ANKS1B: variants seen among roughly 807,000 people sequenced by gnomAD.
ANKS1B encodes the protein ankyrin repeat and sterile alpha motif domain containing 1B.
Under a neutral mutation model 148.3 loss-of-function variants are expected in ANKS1B, and 36 were observed. That is an observed-to-expected ratio of 0.24 (90% confidence interval 0.19 to 0.32). ANKS1B has a LOEUF of 0.32. ANKS1B is among the 10% of genes least tolerant of loss of function. The pLI is 1.00. For missense variants in ANKS1B, 1,157 were observed against 1,542.6 expected (o/e 0.75, Z 4.19); for synonymous variants, 542 against 560.8 (o/e 0.97, Z 0.47).
At chr12:99,976,644 T>C (rs2095633069) in intron 1 of ANKS1B, among the ~76,000 whole-genome samples, 1 of 152,156 alleles carries the variant, frequency 6.6e-6, no homozygotes, top group Non-Finnish European at 1.5e-5. Flanking sequence ...ATAAAGCTAC[T>C]CTCATAACAC....
chr12:99,165,133 A>C (rs1279191703), intron 14 of ANKS1B, among the ~76,000 whole-genome samples: 1 of 152,030 alleles, frequency 6.6e-6, no homozygotes, highest in Non-Finnish European at 1.5e-5. Flanking sequence ...GACAGGCAGA[A>C]ATACTCACCA....
At chr12:99,500,459 A>T (rs1422562486) in intron 10 of ANKS1B, among the ~76,000 whole-genome samples, 1 of 152,176 alleles carries the variant, frequency 6.6e-6, no homozygotes, top group African/African-American at 2.4e-5. Flanking sequence ...TGGCCATCTT[A>T]AAAGTGTTCC....
At chr12:98,740,294 A>C (rs2097791634), downstream of ANKS1B, among the ~76,000 whole-genome samples, 1 of 152,136 alleles carries the variant, frequency 6.6e-6, no homozygotes, top group South Asian at 2.1e-4. Flanking sequence ...GTGGAGGTTG[A>C]GAGCCAGCGC....
At chr12:98,909,995 T>C (rs186950808) in intron 17 of ANKS1B, among the ~76,000 whole-genome samples, 33 of 152,342 alleles carry the variant, frequency 2.2e-4, no homozygotes, top group South Asian at 4.1e-4. Flanking sequence ...GACCAGGTGC[T>C]GATCCATCAG....
intron 8 of ANKS1B, among the ~76,000 whole-genome samples, chr12:99,670,079 C>T (rs2098529422): frequency 6.8e-6 from 1 of 147,672 alleles, no homozygotes; most frequent in Non-Finnish European, 1.5e-5. Flanking sequence ...TTGACAAAAC[C>T]TTTAAAGGTT....
chr12:99,801,225 C>A (rs1389716956), intron 4 of ANKS1B, among the ~76,000 whole-genome samples: 2 of 152,158 alleles, frequency 1.3e-5, no homozygotes, highest in Non-Finnish European at 2.9e-5. Flanking sequence ...AATCAATGCC[C>A]CCCTGCCTAG....
At chr12:99,021,153 C>G (rs575505950) in intron 17 of ANKS1B, among the ~76,000 whole-genome samples, 1 of 152,200 alleles carries the variant, frequency 6.6e-6, no homozygotes, top group Admixed American at 6.5e-5. Flanking sequence ...CAACACTAGT[C>G]AGTGTCAGAG....
intron 14 of ANKS1B, among the ~76,000 whole-genome samples, chr12:99,234,408 C>T (rs2087472628): frequency 6.6e-6 from 1 of 152,120 alleles, no homozygotes; most frequent in Non-Finnish European, 1.5e-5. Flanking sequence ...GTGCATTTAT[C>T]ATGACCTGTA....
At chr12:99,472,081 C>T (rs1030740239) in intron 10 of ANKS1B, among the ~76,000 whole-genome samples, 1 of 152,084 alleles carries the variant, frequency 6.6e-6, no homozygotes, top group Admixed American at 6.6e-5. Flanking sequence ...TAACTAATTA[C>T]ATAAACCTAA....
At chr12:99,073,457 T>C (rs2372634) in intron 16 of ANKS1B, among the ~76,000 whole-genome samples, 84,633 of 152,074 alleles carry the variant, frequency 0.56, 24,618 homozygotes, top group East Asian at 0.74. Flanking sequence ...TAAATTAAGA[T>C]TATTTTACTT....
intron 9 of ANKS1B, among the ~76,000 whole-genome samples, chr12:99,566,584 G>C (rs1597220664): frequency 1.3e-5 from 2 of 151,908 alleles, no homozygotes; most frequent in East Asian, 1.9e-4. Flanking sequence ...TGGGGTCTTG[G>C]GGGCTAATTA....
chr12:98,988,924 C>T (rs183236558), intron 17 of ANKS1B, among the ~76,000 whole-genome samples: 1 of 152,178 alleles, frequency 6.6e-6, no homozygotes, highest in African/African-American at 2.4e-5. Context: ...CAATTCAGAT[C>T]CTTTGCCTAT....
At chr12:99,668,838 T>G (rs1437186753) in intron 8 of ANKS1B, among the ~76,000 whole-genome samples, 1 of 152,162 alleles carries the variant, frequency 6.6e-6, no homozygotes, top group African/African-American at 2.4e-5. Flanking sequence ...AGTCATTTTT[T>G]TCTCTGTATT....
chr12:99,123,771 C>T (rs999278084), intron 15 of ANKS1B, among the ~76,000 whole-genome samples: 7 of 152,138 alleles, frequency 4.6e-5, no homozygotes, highest in South Asian at 2.1e-4. Flanking sequence ...AGTCCTTTCA[C>T]GTTCCCCTGC....
At position 99,775,553 on chromosome 12, in the gene ANKS1B, G is replaced by A. The variant is rs1427784793; in HGVS notation, c.956C>T (p.Thr319Ile). 2.5e-6 allele frequency: 4 copies of A among 1,610,566 alleles called. No homozygotes were observed. Among genetic ancestry groups the A allele is most frequent in the Non-Finnish European group, 1.7e-6 (2 of 1,177,098 alleles). Residue 319 changes from threonine to isoleucine, a missense_variant, in exon 7 of 27, where the codon ACC becomes ATC. Around this residue, in one of 6 missense-constraint regions of ANKS1B, gnomAD observed 661 missense variants for 642.1 expected, o/e 1.03. Coordinates refer to ENST00000683438, the MANE Select transcript of ANKS1B (RefSeq NM_001352186.2). ...CTTTATAATTAGGTACTCACTTTTG[G>A]TCTTTTGGGAAGGAGACTCAACAGG... ...SSPVESPSQK[T>I]KSETVTGELS...
chr12:99,335,721 G>A (rs993162753), intron 12 of ANKS1B, among the ~76,000 whole-genome samples: 2 of 151,992 alleles, frequency 1.3e-5, no homozygotes, highest in African/African-American at 4.8e-5. Context: ...GTGTATAAGT[G>A]CCACATTTTC....
rs185531384 is a variant in ANKS1B at position 99,037,766 on chromosome 12, G to A, written c.2778+15391C>T. On this transcript the variant is annotated intron_variant, in intron 17 of 26. Coordinates refer to ENST00000683438, the MANE Select transcript of ANKS1B (RefSeq NM_001352186.2). ...AGTGTGAAAAAGCTGTTTGCCAGGG[G>A]AGCCAGTTGGAAATGAATGAAATAA... 1.7e-3 allele frequency among the ~76,000 whole-genome samples: 261 copies of A among 152,236 alleles called. 1 individual carries two copies. The highest frequency in any genetic ancestry group is 6.0e-3 in the African/African-American group (250 of 41,536).
At chr12:99,399,911 A>T (rs899061588) in intron 11 of ANKS1B, 100 bp from the exon 12 acceptor site, 27 of 1,178,282 alleles carry the variant, frequency 2.3e-5, no homozygotes, top group Non-Finnish European at 3.2e-5. Flanking sequence ...TTTTCAGTTA[A>T]AAACTATCTG....
intron 8 of ANKS1B, among the ~76,000 whole-genome samples, chr12:99,681,893 C>T (rs1205958954): frequency 2.0e-5 from 3 of 152,124 alleles, no homozygotes; most frequent in Non-Finnish European, 2.9e-5. Context: ...CATAAGGACT[C>T]ACATAAACTT....
Sources: allele counts gnomAD v4.1 joint callset (sites outside exome capture counted in the v4.1 genomes callset), GRCh38; gene constraint gnomAD v4.1.1; regional missense constraint gnomAD v4.1.1; transcripts MANE v1.5; gene names NCBI Gene and HGNC (gene_info 2026-07-23, HGNC 2026-07-21).